ADAMTS5: variants seen among roughly 807,000 people sequenced by gnomAD.
ADAMTS5 encodes the protein A disintegrin and metalloproteinase with thrombospondin motifs 5.
A neutral mutation model predicts 81.4 loss-of-function variants in ADAMTS5; 54 were observed. The ratio of observed to expected loss-of-function variants is 0.66; its 90% CI spans 0.53 to 0.83. The LOEUF is 0.83. Among genes scored for constraint, ADAMTS5 ranks in the 40% least tolerant of loss-of-function variants. ADAMTS5 has a pLI of 0.00. For synonymous variants in ADAMTS5, 532 were observed against 508.8 expected (o/e 1.05, Z -0.61); for missense variants, 1,194 against 1,229.9 (o/e 0.97, Z 0.44).
intron 7 of ADAMTS5, among the ~76,000 whole-genome samples, chr21:26,929,173 G>A (rs913200894): frequency 5.3e-5 from 8 of 152,056 alleles, no homozygotes; most frequent in African/African-American, 1.7e-4. Flanking sequence ...AACACAGCAC[G>A]TACATCAAGA....
At position 26,933,038 on chromosome 21, in the gene ADAMTS5, TTGACGTC is replaced by T; in HGVS notation, c.1690-1_1695del. On this transcript the variant is annotated splice_acceptor_variant and coding_sequence_variant, in exon 5 of 8. Coordinates refer to ENST00000284987, the MANE Select transcript of ADAMTS5 (RefSeq NM_007038.5). LOFTEE classifies it high-confidence loss of function. ...CCCCAAGATCCCCAGTTGCCATGGC[TTGACGTC>T]TGAAATAGAGAATAGAATATATTTT... 1 of 1,612,474 alleles carries T rather than the reference TTGACGTC, an allele frequency of 6.2e-7. No individual in the cohort carries two copies. The highest frequency in any genetic ancestry group is 8.5e-7 in the Non-Finnish European group (1 of 1,179,558).
chr21:26,942,033 G>T (rs1987123896), intron 3 of ADAMTS5, among the ~76,000 whole-genome samples: 1 of 145,146 alleles, frequency 6.9e-6, no homozygotes, highest in South Asian at 2.2e-4. Flanking sequence ...AACTAAAAAG[G>T]AACTTTTTTT....
chr21:26,933,329 T>C (rs777608857), intron 4 of ADAMTS5, among the ~76,000 whole-genome samples: 1 of 152,172 alleles, frequency 6.6e-6, no homozygotes, highest in African/African-American at 2.4e-5. Flanking sequence ...CTACGGACCA[T>C]TGTAAATTAT....
chr21:26,966,104 C>T lies in ADAMTS5; in HGVS notation c.288G>A (p.Arg96=). ...CTCGCTCCAGGTCCAAGAGGAACCT[C>T]CGGCCGCCCGCGTAGACGAGGTAGC... The part of the protein sequence containing the change: ...KVGYLVYAGG[R]RFLLDLERDG... Residue 96 remains arginine, a synonymous_variant, in exon 1 of 8, where the codon CGG becomes CGA. Transcript: ENST00000284987. 1 of 1,612,902 alleles carries T rather than the reference C, an allele frequency of 6.2e-7. No homozygotes were observed. The highest frequency in any genetic ancestry group is 1.3e-5 in the African/African-American group (1 of 75,038).
rs576990867 is a variant in ADAMTS5 at position 26,954,731 on chromosome 21, C to T, written c.1237+8G>A. Reference sequence around the variant, plus strand: ...ATTTGGTGAGGGAAAAGAAAAGGCGCTGCATACCGATTTCGTGAGCCACAG... The same window carrying T: ...ATTTGGTGAGGGAAAAGAAAAGGCGTTGCATACCGATTTCGTGAGCCACAG... On this transcript the variant is annotated splice_region_variant and intron_variant, in intron 2 of 7. Transcript: ENST00000284987. 6.2e-7 allele frequency: 1 copy of T among 1,613,566 alleles called. No individual in the cohort carries two copies. The highest frequency in any genetic ancestry group is 1.3e-5 in the African/African-American group (1 of 74,984).
chr21:26,962,698 C>G (rs1401077288), intron 1 of ADAMTS5, among the ~76,000 whole-genome samples: 1 of 152,198 alleles, frequency 6.6e-6, no homozygotes, highest in African/African-American at 2.4e-5. Context: ...GGCTGCTAAG[C>G]AACGCACTTC....
intron 2 of ADAMTS5, chr21:26,953,831 T>C (rs1186583658): frequency 6.5e-6 from 1 of 153,676 alleles, no homozygotes; most frequent in Non-Finnish European, 1.5e-5. Context: ...ACCCAATATA[T>C]TCCCCAAAAT....
intron 3 of ADAMTS5, among the ~76,000 whole-genome samples, chr21:26,942,841 A>T (rs1987138875): frequency 6.6e-6 from 1 of 152,152 alleles, no homozygotes; most frequent in Admixed American, 6.6e-5. Flanking sequence ...TCTGTTATGC[A>T]GTTTTTACTC....
Position 26,924,550 on chromosome 21 carries a change from T to C in ADAMTS5, c.2296A>G (p.Lys766Glu), listed in dbSNP as rs184462984. Residue 766 changes from lysine to glutamate, a missense_variant, in exon 8 of 8, where the codon AAA becomes GAA. Lys to Glu is a moderately conservative substitution (Grantham distance 56). This residue lies in a region of ADAMTS5 where 696 missense variants were observed against 817.6 expected (regional missense o/e 0.85). Transcript: ENST00000284987. Reference protein sequence around the residue: ...THIKVRQFKAKDQTRFTAYLA... With the variant: ...THIKVRQFKAEDQTRFTAYLA... ...TAGGCAGTGAATCTAGTCTGGTCTT[T>C]GGCTTTGAACTGTCGAACTTTTATG... 2 of 1,614,208 alleles carry C rather than the reference T, an allele frequency of 1.2e-6. No individual in the cohort carries two copies. The highest frequency in any genetic ancestry group is 2.2e-5 in the East Asian group (1 of 44,870).
At position 26,918,484 on chromosome 21, in the gene ADAMTS5, A is replaced by AT. The variant is rs1568833591; in HGVS notation, c.*5568dup. The AT allele has an allele frequency of 2.6e-5, 4 of 152,058 alleles. No homozygotes were observed. Among genetic ancestry groups the AT allele is most frequent in the Non-Finnish European group, 5.9e-5 (4 of 67,930 alleles). The allele number at this position is 152,058 out of a possible 1,614,324, so 9.4% of individuals were successfully genotyped here. A position where few individuals can be genotyped will look rare whatever the true frequency, so the allele number is the denominator to read the frequency against. On this transcript the variant is annotated 3_prime_UTR_variant, in exon 8 of 8. Coordinates refer to ENST00000284987, the MANE Select transcript of ADAMTS5 (RefSeq NM_007038.5). ...GTCTATTTAGTTATCTGCAAAGTCTATTTACAAAGCATATGTATGATTTCC... is the reference window on the plus strand; with the variant it reads ...GTCTATTTAGTTATCTGCAAAGTCTATTTTACAAAGCATATGTATGATTTCC...
intron 5 of ADAMTS5, 47 bp downstream of exon 5, chr21:26,932,814 A>G (rs1371297470): frequency 1.9e-6 from 3 of 1,549,534 alleles, no homozygotes; most frequent in African/African-American, 1.4e-5. Context: ...CTAGAATACA[A>G]ATGACATGTA....
chr21:26,937,895 C>T (rs902851249), intron 3 of ADAMTS5, among the ~76,000 whole-genome samples: 1 of 152,176 alleles, frequency 6.6e-6, no homozygotes, highest in African/African-American at 2.4e-5. Context: ...TGACCCTTCC[C>T]TCCTTCTTCC....
At position 26,966,325 on chromosome 21, in the gene ADAMTS5, CG is replaced by C; in HGVS notation, c.66del (p.Ala23ProfsTer143). The C allele has an allele frequency of 6.6e-7, 1 of 1,509,494 alleles. No homozygotes were observed. Among genetic ancestry groups the C allele is most frequent in the South Asian group, 1.2e-5 (1 of 80,528 alleles). 93.5% of individuals were successfully genotyped at this position (1,509,494 alleles called of 1,614,324 possible). A position where few individuals can be genotyped will look rare whatever the true frequency, so the allele number is the denominator to read the frequency against. On this transcript the variant is annotated frameshift_variant, in exon 1 of 8. Transcript: ENST00000284987. LOFTEE classifies it high-confidence loss of function. Reference protein sequence around the residue: ...AFRLPLAAVGPAATPAQDKAG... With the variant: ...AFRLPLAAVGXAATPAQDKAG... Reference sequence around the variant, plus strand: ...GCTTTATCCTGGGCAGGTGTCGCGGCGGGGCCGACCGCGGCCAGGGGCAGGC... The same window carrying C: ...GCTTTATCCTGGGCAGGTGTCGCGGCGGGCCGACCGCGGCCAGGGGCAGGC...
intron 2 of ADAMTS5, among the ~76,000 whole-genome samples, chr21:26,943,924 GATCAAGCCCCATGAGATCAAA>G (rs1601009647): frequency 6.6e-6 from 1 of 152,134 alleles, no homozygotes; most frequent in Admixed American, 6.6e-5. Context: ...TGCCTTCTCT[GATCAAGCCCCATGAGATCAAA>G]GTGCATTTGC....
At position 26,936,687 on chromosome 21, in the gene ADAMTS5, G is replaced by A. The variant is rs113152155; in HGVS notation, c.1406-1938C>T. On this transcript the variant is annotated intron_variant, in intron 3 of 7. Coordinates refer to ENST00000284987, the MANE Select transcript of ADAMTS5 (RefSeq NM_007038.5). ...AGCTTCTTAAGGCAAGCCAGAAAAA[G>A]CATTAAAAATAAGAATCCAGCCAAA... Among the ~76,000 whole-genome samples the A allele has an allele frequency of 8.5e-5, 13 of 152,146 alleles. No individual in the cohort carries two copies. In the East Asian group the frequency reaches 1.7e-3, roughly 20 times the overall value.
At chr21:26,941,682 G>GTTTA (rs1184598569) in intron 3 of ADAMTS5, among the ~76,000 whole-genome samples, 1 of 152,138 alleles carries the variant, frequency 6.6e-6, no homozygotes, top group African/African-American at 2.4e-5. Flanking sequence ...GTGATTCAAG[G>GTTTA]TTTAGCTCAA....
rs188179446 is a variant in ADAMTS5 at position 26,955,473 on chromosome 21, T to G, written c.1105-602A>C. Among the ~76,000 whole-genome samples the G allele has an allele frequency of 1.9e-3, 294 of 152,320 alleles. 1 individual carries two copies. The highest frequency in any genetic ancestry group is 6.7e-3 in the African/African-American group (277 of 41,562). On this transcript the variant is annotated intron_variant, in intron 1 of 7. Transcript: ENST00000284987. Reference sequence around the variant, plus strand: ...GTAGCATTTCTCAACCTGACCAATCTGCAGAAAATATATGTCATATATTAA... The same window carrying G: ...GTAGCATTTCTCAACCTGACCAATCGGCAGAAAATATATGTCATATATTAA...
intron 1 of ADAMTS5, among the ~76,000 whole-genome samples, chr21:26,961,226 T>C (rs1452027131): frequency 1.3e-5 from 2 of 152,250 alleles, no homozygotes; most frequent in African/African-American, 4.8e-5. Context: ...TCAAGATAAT[T>C]ACACAATGGT....
rs371494692 is a variant in ADAMTS5, at chr21:26,924,084, G to A, written c.2762C>T (p.Ala921Val). The change falls in exon 8 of 8, where the codon GCG becomes GTG. Residue 921 changes from alanine to valine, a missense_variant. Transcript: ENST00000284987. ...TTTCTTCAACAAGCATTGCTTAAAC[G>A]CAGAAGGCCTTTGGGAGAGAGGACA... is the stretch of plus-strand genomic sequence containing the variant. The part of the protein sequence containing the change: ...KGCPLSQRPS[A>V]FKQCLLKKC 56 of 1,602,138 alleles carry A rather than the reference G, an allele frequency of 3.5e-5. No homozygotes were observed. The highest frequency in any genetic ancestry group is 1.1e-4 in the East Asian group (5 of 44,500).
Sources: allele counts gnomAD v4.1 joint callset (sites outside exome capture counted in the v4.1 genomes callset), GRCh38; gene constraint gnomAD v4.1.1; regional missense constraint gnomAD v4.1.1; transcripts MANE v1.5; gene names NCBI Gene and HGNC (gene_info 2026-07-23, HGNC 2026-07-21).